RBSN: variants seen among roughly 807,000 people sequenced by gnomAD.
RBSN encodes the protein rabenosyn-5.
A neutral mutation model predicts 60.5 loss-of-function variants in RBSN; 34 were observed. The ratio of observed to expected loss-of-function variants is 0.56; its 90% CI spans 0.43 to 0.75. The LOEUF (loss-of-function observed/expected upper bound fraction) is 0.75. Ranked by LOEUF, RBSN falls within the 30% of genes least tolerant of loss-of-function variation. The pLI is 0.00. For missense variants in RBSN, 845 were observed against 986.8 expected (o/e 0.86, Z 1.92); for synonymous variants, 322 against 366.9 (o/e 0.88, Z 1.40).
At chr3:15,098,614 A>C (rs891688936) in intron 1 of RBSN, among the ~76,000 whole-genome samples, 5 of 152,096 alleles carry the variant, frequency 3.3e-5, no homozygotes, top group African/African-American at 9.7e-5. Context: ...AACTAACATG[A>C]TTATACACAC....
At position 15,073,930 on chromosome 3, in the gene RBSN, T is replaced by G. The variant is rs2042980207; in HGVS notation, c.2207A>C (p.Glu736Ala). Residue 736 changes from glutamate to alanine, a missense_variant, in exon 14 of 14, where the codon GAA becomes GCA. Glu to Ala is a moderately radical substitution (Grantham distance 107). Coordinates refer to ENST00000253699, the MANE Select transcript of RBSN (RefSeq NM_022340.4). ...ATCGATCTGCTGCAGGAGGAGCTCT[T>G]CCTCTATGGGCTCCTCAGCCTCTGG... ...SGPEAEEPIE[E>A]ELLLQQIDNI... 1 of 1,613,928 alleles carries G rather than the reference T, an allele frequency of 6.2e-7. No homozygotes were observed.
In RBSN at chr3:15,073,626, A is replaced by G. The variant is rs756564515; in HGVS notation, c.*156T>C. On this transcript the variant is annotated 3_prime_UTR_variant, in exon 14 of 14. Coordinates refer to ENST00000253699, the MANE Select transcript of RBSN (RefSeq NM_022340.4). The stretch of plus-strand genomic sequence containing the variant: ...TATTCAACTGTAGTGGAAATACCTC[A>G]AAGTGCGCAACACAAAACAGCAGAT... 33 of 677,468 alleles carry G rather than the reference A, an allele frequency of 4.9e-5. No homozygotes were observed. The highest frequency in any genetic ancestry group is 7.7e-5 in the Non-Finnish European group (32 of 416,902). The allele number at this position is 677,468 out of a possible 1,614,324, so 42.0% of individuals were successfully genotyped here.
rs527480295 is a variant in RBSN, at chr3:15,091,370, C to T, written c.149-831G>A. ...GATGGGATTCAGCTAAACCTCCATCCGTGGACTGGTGTTCCCCATAGGCTT... is the reference window on the plus strand; with the variant it reads ...GATGGGATTCAGCTAAACCTCCATCTGTGGACTGGTGTTCCCCATAGGCTT... On this transcript the variant is annotated intron_variant, in intron 4 of 13. Transcript: ENST00000253699. 5.0e-5 allele frequency: 57 copies of T among 1,133,446 alleles called. 1 individual carries two copies. Among genetic ancestry groups the T allele is most frequent in the Admixed American group, 4.6e-4 (12 of 26,178 alleles). The allele number at this position is 1,133,446 out of a possible 1,614,324, so 70.2% of individuals were successfully genotyped here. A position where few individuals can be genotyped will look rare whatever the true frequency, so the allele number is the denominator to read the frequency against.
At chr3:15,085,148 C>G in intron 6 of RBSN, 103 bp from the exon 7 acceptor site, 2 of 1,330,508 alleles carry the variant, frequency 1.5e-6, no homozygotes, top group Non-Finnish European at 2.1e-6. Flanking sequence ...TTGCATTCCT[C>G]AAGTCTCATC....
chr3:15,076,991 T>TTA, intron 12 of RBSN, 71 bp downstream of exon 12: 5 of 1,309,332 alleles, frequency 3.8e-6, no homozygotes, highest in Non-Finnish European at 5.5e-6. Context: ...TTGGCATGGA[T>TTA]CTGCCTCCTG....
At chr3:15,089,410 C>T (rs115611246) in intron 5 of RBSN, among the ~76,000 whole-genome samples, 2 of 125,968 alleles carry the variant, frequency 1.6e-5, no homozygotes, top group African/African-American at 3.0e-5. Flanking sequence ...TGAGCCATGA[C>T]GGAGCCCTGG....
At chr3:15,095,828 A>C (rs748962102) in intron 4 of RBSN, 145 bp downstream of exon 4, 2 of 1,048,180 alleles carry the variant, frequency 1.9e-6, no homozygotes, top group South Asian at 3.1e-5. Flanking sequence ...AAACTCTGAA[A>C]ACGCCTGGCA....
chr3:15,095,441 C>T (rs759947267), intron 4 of RBSN, among the ~76,000 whole-genome samples: 1 of 152,210 alleles, frequency 6.6e-6, no homozygotes, highest in African/African-American at 2.4e-5. Context: ...AACCTGAGCT[C>T]TTGGAAGCTC....
intron 9 of RBSN, 124 bp from the exon 10 acceptor site, chr3:15,080,926 A>G (rs569061058): frequency 8.8e-6 from 7 of 791,194 alleles, no homozygotes; most frequent in African/African-American, 3.5e-5. Context: ...AATTGTTGTT[A>G]TCAATTTCCT....
intron 4 of RBSN, among the ~76,000 whole-genome samples, chr3:15,092,603 G>A (rs1288148187): frequency 6.6e-6 from 1 of 152,036 alleles, no homozygotes; most frequent in Admixed American, 6.6e-5. Flanking sequence ...GTAGAGATGG[G>A]GTTTCACCAC....
rs181323946 is a variant in RBSN at position 15,072,666 on chromosome 3, G to A, written c.*1116C>T. 6.6e-6 allele frequency: 1 copy of A among 152,270 alleles called. No homozygotes were observed. The allele number at this position is 152,270 out of a possible 1,614,324, so 9.4% of individuals were successfully genotyped here. The stretch of plus-strand genomic sequence containing the variant: ...ACAATTGTTCTATCAGAAGAAGGGT[G>A]GGGAAACTCTTCTCACAAATAATAC... On this transcript the variant is annotated 3_prime_UTR_variant, in exon 14 of 14. Coordinates refer to ENST00000253699, the MANE Select transcript of RBSN (RefSeq NM_022340.4).
chr3:15,072,009 C>G lies in RBSN; in HGVS notation c.*1773G>C, dbSNP rs1385527797. On this transcript the variant is annotated 3_prime_UTR_variant, in exon 14 of 14. Coordinates refer to ENST00000253699, the MANE Select transcript of RBSN (RefSeq NM_022340.4). Reference sequence around the variant, plus strand: ...ATTTCCCTTTCTGGCCTTAATTGACCAACAGTTTAAGTACTGTGGTGCTAC... The same window carrying G: ...ATTTCCCTTTCTGGCCTTAATTGACGAACAGTTTAAGTACTGTGGTGCTAC... 6.6e-6 allele frequency: 1 copy of G among 152,654 alleles called. No homozygotes were observed. Among genetic ancestry groups the G allele is most frequent in the East Asian group, 1.9e-4 (1 of 5,202 alleles). The allele number at this position is 152,654 out of a possible 1,614,324, so 9.5% of individuals were successfully genotyped here.
At position 15,073,794 on chromosome 3, in the gene RBSN, C is replaced by A; in HGVS notation, c.2343G>T (p.Gly781=). 1.2e-6 allele frequency: 2 copies of A among 1,602,116 alleles called. No homozygotes were observed. The highest frequency in any genetic ancestry group is 1.8e-4 in the Middle Eastern group (1 of 5,710). Reference sequence around the variant, plus strand: ...TCTCCACTGCTGGTCAGTCAGTGCCCCCCTTCTGCTTGGCCAGGGTGTGCT... The same window carrying A: ...TCTCCACTGCTGGTCAGTCAGTGCCACCCTTCTGCTTGGCCAGGGTGTGCT... ...ELKHTLAKQK[G]GTD is the part of the protein sequence containing the mutation. Residue 781 remains glycine (G), a synonymous_variant, in exon 14 of 14, where the codon GGG becomes GGT. Coordinates refer to ENST00000253699, the MANE Select transcript of RBSN (RefSeq NM_022340.4).
chr3:15,077,203 C>T lies in RBSN; in HGVS notation c.999-39G>A, dbSNP rs1193566315. ...AACACATGAATATAATGAGCACTGC[C>T]AGCTTCAGAAACAAGGGTGAAAAGT... On this transcript the variant is annotated intron_variant, in intron 11 of 13. Coordinates refer to ENST00000253699, the MANE Select transcript of RBSN (RefSeq NM_022340.4). This position sits in a 1 kb window ranked among gnomAD's most constrained non-coding sequence, Gnocchi z 4.4. 1 of 1,548,324 alleles carries T rather than the reference C, an allele frequency of 6.5e-7. No individual in the cohort carries two copies. The highest frequency in any genetic ancestry group is 1.7e-5 in the Admixed American group (1 of 59,880).
At chr3:15,075,427 A>G (rs768922799) in intron 13 of RBSN, 179 bp downstream of exon 13, 19 of 704,948 alleles carry the variant, frequency 2.7e-5, no homozygotes, top group Non-Finnish European at 3.9e-5. Context: ...CCTGGGGAGA[A>G]AAACAATTAT....
chr3:15,095,051 T>C (rs2043615197), intron 4 of RBSN, among the ~76,000 whole-genome samples: 1 of 151,758 alleles, frequency 6.6e-6, no homozygotes, highest in African/African-American at 2.4e-5. Flanking sequence ...TCTCTCTCTG[T>C]TGCCCAGGTG....
intron 4 of RBSN, among the ~76,000 whole-genome samples, chr3:15,092,943 T>C (rs921173651): frequency 2.1e-4 from 32 of 152,092 alleles, no homozygotes; most frequent in African/African-American, 7.7e-4. Context: ...TTAAAAATAA[T>C]CCCATATATT....
intron 9 of RBSN, 56 bp from the exon 10 acceptor site, chr3:15,080,858 C>T: frequency 7.2e-7 from 1 of 1,393,118 alleles, no homozygotes; most frequent in South Asian, 1.2e-5. Flanking sequence ...AACACCTACC[C>T]AGAAGCTAGG....
At chr3:15,090,673 C>A in intron 4 of RBSN, 134 bp from the exon 5 acceptor site, 1 of 1,284,392 alleles carries the variant, frequency 7.8e-7, no homozygotes. Flanking sequence ...ATTTAGATCT[C>A]AAGTAAAATG....
Sources: allele counts gnomAD v4.1 joint callset (sites outside exome capture counted in the v4.1 genomes callset), GRCh38; gene constraint gnomAD v4.1.1; non-coding constraint Gnocchi (gnomAD v3.1); transcripts MANE v1.5; gene names NCBI Gene and HGNC (gene_info 2026-07-23, HGNC 2026-07-21).